PDE1C: variants seen among roughly 807,000 people sequenced by gnomAD.
The protein encoded by PDE1C is phosphodiesterase 1C.
PDE1C carries 62 observed loss-of-function variants against 93.1 expected under a neutral mutation model. The ratio of observed to expected loss-of-function variants is 0.67; its 90% CI spans 0.54 to 0.82. The LOEUF (loss-of-function observed/expected upper bound fraction) is 0.82. PDE1C is among the 40% of genes least tolerant of loss of function. PDE1C has a pLI of 0.00. For missense variants in PDE1C, 742 were observed against 884.6 expected (o/e 0.84, Z 2.04); for synonymous variants, 325 against 310.1 (o/e 1.05, Z -0.50).
chr7:31,784,457 T>C (rs879521568), intron 16 of PDE1C: 21 of 152,190 alleles, frequency 1.4e-4, no homozygotes, highest in Admixed American at 2.6e-4. Flanking sequence ...CCAGCGACCT[T>C]TGACACCCAA....
chr7:32,258,473 T>C (rs1413635792), intron 1 of PDE1C, among the ~76,000 whole-genome samples: 1 of 152,130 alleles, frequency 6.6e-6, no homozygotes, highest in Non-Finnish European at 1.5e-5. Context: ...CCATGAGAGC[T>C]GGGCCCTGCA....
the PDE1C span, among the ~76,000 whole-genome samples, chr7:31,687,830 G>A: frequency 6.6e-6 from 1 of 152,220 alleles, no homozygotes; most frequent in Non-Finnish European, 1.5e-5. Flanking sequence ...CACATAGGCT[G>A]TGGATACAAC....
At chr7:32,144,870 T>C (rs32321) in intron 3 of PDE1C, among the ~76,000 whole-genome samples, 13,941 of 152,096 alleles carry the variant, frequency 0.092, 1,627 homozygotes, top group African/African-American at 0.26. Context: ...TGTTTGTGAA[T>C]TTTCCATGCG....
intron 2 of PDE1C, among the ~76,000 whole-genome samples, chr7:31,951,223 G>A (rs982408369): frequency 3.3e-5 from 5 of 152,100 alleles, no homozygotes; most frequent in Non-Finnish European, 5.9e-5. Flanking sequence ...GGGTGTTAGG[G>A]CTTCAACATG....
At chr7:31,628,526 C>T in the PDE1C span, among the ~76,000 whole-genome samples, 19 of 151,498 alleles carry the variant, frequency 1.3e-4, no homozygotes, top group African/African-American at 4.4e-4. Flanking sequence ...GGCGCGACCT[C>T]AGCTCACTGC....
At chr7:32,138,134 C>A (rs903291334) in intron 3 of PDE1C, among the ~76,000 whole-genome samples, 7 of 152,114 alleles carry the variant, frequency 4.6e-5, no homozygotes, top group Non-Finnish European at 1.0e-4. Flanking sequence ...AATTTTGAAT[C>A]AGGAGTCCTG....
the PDE1C span, among the ~76,000 whole-genome samples, chr7:31,704,128 G>A: frequency 3.3e-5 from 5 of 152,242 alleles, no homozygotes; most frequent in African/African-American, 9.6e-5. Flanking sequence ...TCCATGAGCT[G>A]TGGACATTTG....
chr7:31,930,848 CAAAAAAAAAA>C (rs56394903), intron 2 of PDE1C, among the ~76,000 whole-genome samples: 7 of 32,642 alleles, frequency 2.1e-4, no homozygotes, highest in Admixed American at 1.1e-3. Flanking sequence ...GACTCTGTCT[CAAAAAAAAAA>C]AAAAAAAAAA....
rs531684295 is a variant in PDE1C, at chr7:31,779,550, G to A, written c.1892-3818C>T. On this transcript the variant is annotated intron_variant, in intron 16 of 17. Coordinates refer to ENST00000396191, the MANE Select transcript of PDE1C (RefSeq NM_001191057.4). ...AAAAAGCAGAACTACAAGGCCTTCT[G>A]GAAATGCTGTTATTTTCTCTGTTAG... Among the ~76,000 whole-genome samples the A allele has an allele frequency of 2.3e-3, 355 of 152,162 alleles. 2 individuals are homozygous for A. Among genetic ancestry groups the A allele is most frequent in the Non-Finnish European group, 4.3e-3 (291 of 68,034 alleles).
chr7:32,043,929 T>G (rs1339072019), intron 2 of PDE1C, among the ~76,000 whole-genome samples: 4 of 152,176 alleles, frequency 2.6e-5, no homozygotes, highest in African/African-American at 9.7e-5. Flanking sequence ...CAATCCAAAC[T>G]TATTTACCCA....
intron 1 of PDE1C, among the ~76,000 whole-genome samples, chr7:32,386,009 A>C (rs1452104885): frequency 6.6e-6 from 1 of 151,852 alleles, no homozygotes; most frequent in East Asian, 1.9e-4. Context: ...TGTGAGATTG[A>C]AAGGGCCTGT....
intron 2 of PDE1C, among the ~76,000 whole-genome samples, chr7:31,907,689 T>A (rs1439863873): frequency 6.6e-6 from 1 of 152,024 alleles, no homozygotes; most frequent in Non-Finnish European, 1.5e-5. Context: ...AATAATAAAA[T>A]ATGTGAATGT....
intron 7 of PDE1C, among the ~76,000 whole-genome samples, chr7:31,857,122 G>A (rs1442046939): frequency 2.0e-5 from 3 of 152,072 alleles, no homozygotes; most frequent in Non-Finnish European, 4.4e-5. Flanking sequence ...CCATTCTGAG[G>A]TCCTGGGGAC....
At chr7:32,174,456 A>C (rs1219744868) in intron 2 of PDE1C, among the ~76,000 whole-genome samples, 1 of 152,256 alleles carries the variant, frequency 6.6e-6, no homozygotes, top group South Asian at 2.1e-4. Flanking sequence ...CCTGGGGAAA[A>C]CCACAGAGAG....
At chr7:32,297,508 T>C (rs923322718) in intron 1 of PDE1C, among the ~76,000 whole-genome samples, 1 of 152,134 alleles carries the variant, frequency 6.6e-6, no homozygotes, top group Non-Finnish European at 1.5e-5. Flanking sequence ...ACTTGGGTTC[T>C]ACTCACCTCC....
chr7:32,389,332 T>C (rs1322538633), intron 1 of PDE1C, among the ~76,000 whole-genome samples: 1 of 152,192 alleles, frequency 6.6e-6, no homozygotes. Flanking sequence ...TTCTCCTGCC[T>C]CAGCCTGCCA....
At chr7:32,353,574 GT>G (rs1783973152) in intron 1 of PDE1C, among the ~76,000 whole-genome samples, 1 of 58,638 alleles carries the variant, frequency 1.7e-5, no homozygotes, top group African/African-American at 6.4e-5. Context: ...TTTTTTTCTA[GT>G]TTGTTAGATT....
chr7:31,939,305 A>T, intron 2 of PDE1C, among the ~76,000 whole-genome samples: 1 of 152,190 alleles, frequency 6.6e-6, no homozygotes. Context: ...AGTTCAGTGT[A>T]ACTGACTTGG....
At position 32,113,538 on chromosome 7, in the gene PDE1C, C is replaced by T. The variant is rs528516066; in HGVS notation, c.308+56247G>A. ...GAGATTACTTAGAAATAAATATTACCTTTTAACATCAATTTATCTAGTAAT... is the reference window on the plus strand; with the variant it reads ...GAGATTACTTAGAAATAAATATTACTTTTTAACATCAATTTATCTAGTAAT... On this transcript the variant is annotated intron_variant, in intron 3 of 18. Transcript: ENST00000396193. Among the ~76,000 whole-genome samples the T allele has an allele frequency of 1.4e-4, 21 of 150,972 alleles. No homozygotes were observed. The South Asian group carries it at 4.4e-3, about 32-fold the overall frequency.
Sources: gnomAD v4.1 joint callset for allele counts (sites outside exome capture counted in the v4.1 genomes callset) on GRCh38, gnomAD v4.1.1 for gene constraint, MANE v1.5 for transcripts, NCBI Gene and HGNC (gene_info 2026-07-23, HGNC 2026-07-21) for gene names.